BDKRB2: variants seen among roughly 807,000 people sequenced by gnomAD.
BDKRB2 encodes the protein bradykinin receptor B2.
A neutral mutation model predicts 4.0 loss-of-function variants in BDKRB2; 6 were observed. That is an observed-to-expected ratio of 1.49 (90% CI 0.81 to 2.93). The LOEUF (loss-of-function observed/expected upper bound fraction) is 2.93. Ranked by LOEUF, BDKRB2 falls within the 30% of genes most tolerant of loss-of-function variation. BDKRB2 has a pLI of 0.00. For synonymous variants in BDKRB2, 225 were observed against 215.3 expected (o/e 1.05, Z -0.40); for missense variants, 478 against 520.1 (o/e 0.92, Z 0.79).
chr14:96,211,862 G>A (rs550122189), intron 1 of BDKRB2, among the ~76,000 whole-genome samples: 3 of 152,290 alleles, frequency 2.0e-5, no homozygotes, highest in African/African-American at 7.2e-5. Flanking sequence ...TGCATTACAG[G>A]GCAGTCCTAC....
intron 2 of BDKRB2, among the ~76,000 whole-genome samples, chr14:96,237,472 A>G (rs1413932255): frequency 6.6e-6 from 1 of 152,216 alleles, no homozygotes; most frequent in African/African-American, 2.4e-5. Context: ...AGAGAGTTAA[A>G]CATTAAAGTA....
intron 2 of BDKRB2, chr14:96,238,121 C>G: frequency 1.0e-6 from 1 of 995,028 alleles, no homozygotes. Context: ...GACAGCTTAT[C>G]TCTGTTCCAA....
At chr14:96,237,380 G>A (rs565140384) in intron 2 of BDKRB2, among the ~76,000 whole-genome samples, 199 bp downstream of exon 2, 3 of 152,310 alleles carry the variant, frequency 2.0e-5, no homozygotes, top group South Asian at 4.1e-4. Flanking sequence ...CGGAACTAGA[G>A]GAAGAGGGGC....
rs770497327 is a variant in BDKRB2 at position 96,237,079 on chromosome 14, G to A, written c.-29G>A. The A allele has an allele frequency of 6.3e-7, 1 of 1,584,342 alleles. No individual in the cohort carries two copies. Among genetic ancestry groups the A allele is most frequent in the African/African-American group, 1.3e-5 (1 of 74,296 alleles). ...TTCTTCTCTGTTCAGCCCAGGTGTG[G>A]CCTCACTCACATCCCACTCTGAGTC... On this transcript the variant is annotated 5_prime_UTR_variant, in exon 2 of 3. Transcript: ENST00000554311.
chr14:96,218,274 TA>T (rs1890472666), intron 1 of BDKRB2, among the ~76,000 whole-genome samples: 2 of 152,254 alleles, frequency 1.3e-5, no homozygotes, highest in African/African-American at 4.8e-5. Flanking sequence ...TAAAAATATC[TA>T]AATGGTGAGA....
intron 1 of BDKRB2, among the ~76,000 whole-genome samples, chr14:96,219,874 G>A (rs1046839458): frequency 1.3e-5 from 2 of 151,944 alleles, no homozygotes; most frequent in Non-Finnish European, 1.5e-5. Context: ...TGAAGGATGA[G>A]TAGGAGTTGG....
intron 1 of BDKRB2, among the ~76,000 whole-genome samples, chr14:96,215,298 C>A (rs1890392238): frequency 6.6e-6 from 1 of 152,164 alleles, no homozygotes; most frequent in African/African-American, 2.4e-5. Context: ...TTAGAAGCAT[C>A]CTTTTTTCAT....
At chr14:96,223,306 T>A in intron 1 of BDKRB2, 3 of 1,068,916 alleles carry the variant, frequency 2.8e-6, no homozygotes, top group Admixed American at 3.4e-5. Context: ...ACCTCACATC[T>A]TGCTGTTCCG....
Position 96,241,160 on chromosome 14 carries a change from C to T in BDKRB2, c.832C>T (p.Leu278=), listed in dbSNP as rs61751178. The change falls in exon 3 of 3, where the codon CTA becomes TTA. Residue 278 remains leucine (L), a synonymous_variant. Transcript: ENST00000554311. ...ATVLVLVVLL[L]FIICWLPFQI... ...GGTGCTAGTCCTGGTTGTGCTGCTG[C>T]TATTCATCATCTGCTGGCTGCCCTT... 751 of 1,607,364 alleles carry T rather than the reference C, an allele frequency of 4.7e-4. 4 individuals are homozygous for T. The highest frequency in any genetic ancestry group is 3.6e-3 in the Middle Eastern group (22 of 6,044).
intron 1 of BDKRB2, among the ~76,000 whole-genome samples, chr14:96,222,130 G>A (rs1024131209): frequency 6.6e-6 from 1 of 152,028 alleles, no homozygotes; most frequent in African/African-American, 2.4e-5. Context: ...CACAGCATCA[G>A]GGAAACATTT....
intron 1 of BDKRB2, among the ~76,000 whole-genome samples, chr14:96,218,650 G>T (rs1208000047): frequency 6.6e-6 from 1 of 152,160 alleles, no homozygotes; most frequent in Non-Finnish European, 1.5e-5. Context: ...GGGCATGGTG[G>T]CTCATGCCTG....
intron 1 of BDKRB2, among the ~76,000 whole-genome samples, chr14:96,217,740 G>A (rs4905464): frequency 0.3 from 44,591 of 151,056 alleles, 6,674 homozygotes; most frequent in South Asian, 0.44. Flanking sequence ...TGGGAGCCCC[G>A]AGGCAGGGAC....
chr14:96,241,356 C>T lies in BDKRB2; in HGVS notation c.1028C>T (p.Ser343Phe). ...GTGGGCAAGCGCTTCCGAAAGAAGTCTTGGGAGGTGTACCAGGGAGTGTGC... is the reference window on the plus strand; with the variant it reads ...GTGGGCAAGCGCTTCCGAAAGAAGTTTTGGGAGGTGTACCAGGGAGTGTGC... ...VIVGKRFRKK[S>F]WEVYQGVCQK... Residue 343 changes from serine to phenylalanine, a missense_variant, in exon 3 of 3, where the codon TCT becomes TTT. By Grantham distance (155) the Ser-to-Phe change is radical. Transcript: ENST00000554311. The T allele has an allele frequency of 6.2e-7, 1 of 1,613,984 alleles. No homozygotes were observed. The highest frequency in any genetic ancestry group is 8.5e-7 in the Non-Finnish European group (1 of 1,179,992).
chr14:96,238,307 A>G (rs145518437), intron 2 of BDKRB2: 17 of 484,162 alleles, frequency 3.5e-5, no homozygotes, highest in African/African-American at 1.9e-4. Flanking sequence ...CAAAAGGCCA[A>G]GAAAGATGCT....
intron 1 of BDKRB2, chr14:96,210,870 G>T (rs969825957): frequency 1.1e-4 from 16 of 152,312 alleles, no homozygotes; most frequent in African/African-American, 3.9e-4. Flanking sequence ...CAAATGGTCT[G>T]TCCTGGACCC....
Position 96,220,015 on chromosome 14 carries a change from G to A in BDKRB2, c.-40+15056G>A, listed in dbSNP as rs551316445. Among the ~76,000 whole-genome samples, 10 of 152,110 alleles carry A rather than the reference G, an allele frequency of 6.6e-5. 1 individual carries two copies. The South Asian group carries it at 8.3e-4, about 13-fold the overall frequency. The stretch of plus-strand genomic sequence containing the variant: ...CATTGGACTTGAAACTGGTCACTGC[G>A]AGAGTATTTATACCATAGAAATTTG... On this transcript the variant is annotated intron_variant, in intron 1 of 2. Transcript: ENST00000554311.
At chr14:96,220,098 C>T (rs184100565) in intron 1 of BDKRB2, among the ~76,000 whole-genome samples, 1 of 152,078 alleles carries the variant, frequency 6.6e-6, no homozygotes, top group Middle Eastern at 3.4e-3. Flanking sequence ...CATTTACCAG[C>T]ACCCCACTAC....
chr14:96,219,465 C>T (rs922086133), intron 1 of BDKRB2, among the ~76,000 whole-genome samples: 1 of 151,854 alleles, frequency 6.6e-6, no homozygotes, highest in Non-Finnish European at 1.5e-5. Flanking sequence ...GCCCTATGCC[C>T]TTGGGGACTT....
chr14:96,220,263 G>T (rs1050779894), intron 1 of BDKRB2, among the ~76,000 whole-genome samples: 5 of 151,816 alleles, frequency 3.3e-5, no homozygotes, highest in Admixed American at 2.0e-4. Flanking sequence ...AATGCCGGGG[G>T]TATTTATTTT....
Sources: allele counts gnomAD v4.1 joint callset (sites outside exome capture counted in the v4.1 genomes callset), GRCh38; gene constraint gnomAD v4.1.1; transcripts MANE v1.5; gene names NCBI Gene and HGNC (gene_info 2026-07-23, HGNC 2026-07-21).